SLC6A11: variants seen among roughly 807,000 people sequenced by gnomAD.
SLC6A11 encodes the protein sodium- and chloride-dependent GABA transporter 3.
SLC6A11 carries 25 observed loss-of-function variants against 74.8 expected under a neutral mutation model. That is an observed-to-expected ratio of 0.33 (90% CI 0.24 to 0.47). The LOEUF (loss-of-function observed/expected upper bound fraction) is 0.47, where lower values mean the gene tolerates loss of function less well. SLC6A11 is among the 20% of genes least tolerant of loss of function. The pLI is 1.00. For synonymous variants in SLC6A11, 330 were observed against 330.2 expected (o/e 1.00, Z 0.01); for missense variants, 574 against 837.0 (o/e 0.69, Z 3.88).
At position 10,918,832 on chromosome 3, in the gene SLC6A11, AT is replaced by A. The variant is rs34883736; in HGVS notation, c.1120+390del. 0.019 allele frequency among the ~76,000 whole-genome samples: 2,737 copies of A among 147,216 alleles called. 84 individuals carry two copies. Among genetic ancestry groups the A allele is most frequent in the East Asian group, 0.17 (876 of 5,064 alleles). ...ACTCCATGCTCTACCCTGCAGAGGG[AT>A]TTTTTTTTTTCAAAATGCAAATTTG... On this transcript the variant is annotated intron_variant, in intron 8 of 13. Transcript: ENST00000254488. This position sits in a 1 kb window ranked among gnomAD's most constrained non-coding sequence, Gnocchi z 4.5.
At chr3:10,921,721 CAACTAT>C (rs1489482854) in intron 8 of SLC6A11, among the ~76,000 whole-genome samples, 2 of 151,716 alleles carry the variant, frequency 1.3e-5, no homozygotes, top group African/African-American at 4.8e-5. Flanking sequence ...AAAAAAGACC[CAACTAT>C]AACATGTCTA....
At chr3:10,854,927 G>T (rs1694619998) in intron 5 of SLC6A11, among the ~76,000 whole-genome samples, 1 of 152,194 alleles carries the variant, frequency 6.6e-6, no homozygotes, top group East Asian at 1.9e-4. Context: ...GTGAATAGGT[G>T]AATAGATGGA....
At chr3:10,912,013 G>T in intron 6 of SLC6A11, 77 bp from the exon 7 acceptor site, 1 of 955,674 alleles carries the variant, frequency 1.0e-6, no homozygotes, top group Non-Finnish European at 1.7e-6. Flanking sequence ...GTGGGTGGGG[G>T]ATTTCAGAGA....
At chr3:10,874,268 C>T (rs1694881754) in intron 5 of SLC6A11, among the ~76,000 whole-genome samples, 1 of 152,186 alleles carries the variant, frequency 6.6e-6, no homozygotes, top group South Asian at 2.1e-4. Context: ...TCTATGTGTG[C>T]TGGATTGTGA....
chr3:10,823,585 A>G lies in SLC6A11; in HGVS notation c.623+193A>G, dbSNP rs950679801. On this transcript the variant is annotated intron_variant, in intron 4 of 13. Coordinates refer to ENST00000254488, the MANE Select transcript of SLC6A11 (RefSeq NM_014229.3). ...GAGGTTTCCCAAAGGGGCAGCTGAGAGAAATGTTTTCTTGTTCTTTGATAA... is the reference window on the plus strand; with the variant it reads ...GAGGTTTCCCAAAGGGGCAGCTGAGGGAAATGTTTTCTTGTTCTTTGATAA... 95 of 553,506 alleles carry G rather than the reference A, an allele frequency of 1.7e-4. 2 individuals carry two copies. The South Asian group carries it at 2.1e-3, about 12-fold the overall frequency. The allele number at this position is 553,506 out of a possible 1,614,324, so 34.3% of individuals were successfully genotyped here. A position where few individuals can be genotyped will look rare whatever the true frequency, so the allele number is the denominator to read the frequency against.
chr3:10,938,928 C>G lies in SLC6A11; in HGVS notation c.*526C>G, dbSNP rs1426033651. 2.0e-5 allele frequency: 3 copies of G among 152,252 alleles called. No homozygotes were observed. The highest frequency in any genetic ancestry group is 4.8e-5 in the African/African-American group (2 of 41,440). The allele number at this position is 152,252 out of a possible 1,614,324, so 9.4% of individuals were successfully genotyped here. Reference sequence around the variant, plus strand: ...ATGTGGCAGAGAAGAAAAAGTCCAGCAGACTCAGGACTCCTGGGCTGCAGG... The same window carrying G: ...ATGTGGCAGAGAAGAAAAAGTCCAGGAGACTCAGGACTCCTGGGCTGCAGG... On this transcript the variant is annotated 3_prime_UTR_variant, in exon 14 of 14. Coordinates refer to ENST00000254488, the MANE Select transcript of SLC6A11 (RefSeq NM_014229.3).
chr3:10,906,008 C>T (rs925711245), intron 6 of SLC6A11, among the ~76,000 whole-genome samples: 6 of 152,158 alleles, frequency 3.9e-5, no homozygotes, highest in Admixed American at 1.3e-4. Flanking sequence ...ATATGTAGCC[C>T]TAGACTTTCC....
In SLC6A11 at chr3:10,933,194, G is replaced by C; in HGVS notation, c.1415G>C (p.Ser472Thr). The C allele has an allele frequency of 6.2e-7, 1 of 1,614,140 alleles. No homozygotes were observed. Among genetic ancestry groups the C allele is most frequent in the Non-Finnish European group, 8.5e-7 (1 of 1,180,026 alleles). Residue 472 changes from serine (S) to threonine (T), a missense_variant, in exon 11 of 14, where the codon AGT becomes ACT. By Grantham distance (58) the Ser-to-Thr change is moderately conservative. Around this residue, in one of 4 missense-constraint regions of SLC6A11, gnomAD observed 257 missense variants for 341.5 expected, o/e 0.75. Transcript: ENST00000254488. ...IFQLFDSYAA[S>T]GMCLLFVAIF... ...CAGCTCTTTGACTCCTATGCCGCCA[G>C]TGGGATGTGCCTTCTCTTCGTGGCC...
intron 6 of SLC6A11, among the ~76,000 whole-genome samples, chr3:10,911,473 G>T (rs13059801): frequency 2.0e-5 from 3 of 152,038 alleles, no homozygotes; most frequent in South Asian, 2.1e-4. Context: ...AGCCTAGAGG[G>T]GGGGAGTCTG....
At chr3:10,922,093 T>C (rs1695543750) in intron 8 of SLC6A11, among the ~76,000 whole-genome samples, 1 of 152,172 alleles carries the variant, frequency 6.6e-6, no homozygotes, top group Non-Finnish European at 1.5e-5. Flanking sequence ...AATAAAGACA[T>C]AGAGATCTGA....
chr3:10,931,788 T>C (rs1244084257), intron 10 of SLC6A11, among the ~76,000 whole-genome samples: 1 of 152,218 alleles, frequency 6.6e-6, no homozygotes, highest in Non-Finnish European at 1.5e-5. Flanking sequence ...CCTTTTCTCA[T>C]TCGTATCATC....
intron 5 of SLC6A11, 116 bp downstream of exon 5, chr3:10,844,462 G>C: frequency 7.8e-7 from 1 of 1,285,338 alleles, no homozygotes; most frequent in Non-Finnish European, 1.1e-6. Context: ...GTTGGGAGCG[G>C]GGAGGAACAC....
At chr3:10,877,039 G>T (rs1340309088) in intron 6 of SLC6A11, among the ~76,000 whole-genome samples, 1 of 152,140 alleles carries the variant, frequency 6.6e-6, no homozygotes, top group Non-Finnish European at 1.5e-5. Flanking sequence ...AAGTGGATTT[G>T]GAGAGCCCCC....
chr3:10,870,437 T>C (rs1283017732), intron 5 of SLC6A11, among the ~76,000 whole-genome samples: 1 of 152,232 alleles, frequency 6.6e-6, no homozygotes, highest in Non-Finnish European at 1.5e-5. Context: ...CGGAGGGTTC[T>C]GAGGCTGCAT....
In SLC6A11 at chr3:10,938,317, G is replaced by A. The variant is rs755297702; in HGVS notation, c.1814G>A (p.Arg605Gln). ...KMRGKLGVSP[R>Q]MVTVNDCDAK... is the part of the protein sequence containing the mutation. ...CGGGGCAAGCTTGGGGTGAGCCCAC[G>A]GATGGTGACAGTTAATGACTGTGAT... The change falls in exon 14 of 14, where the codon CGG becomes CAG. Residue 605 changes from arginine to glutamine, a missense_variant. Arg to Gln is a conservative substitution (Grantham distance 43, BLOSUM62 1). Around this residue, in one of 4 missense-constraint regions of SLC6A11, gnomAD observed 257 missense variants for 341.5 expected, o/e 0.75. Coordinates refer to ENST00000254488, the MANE Select transcript of SLC6A11 (RefSeq NM_014229.3). The A allele has an allele frequency of 5.0e-6, 8 of 1,613,130 alleles. No homozygotes were observed. In the African/African-American group the frequency reaches 6.7e-5, roughly 13 times the overall value.
At chr3:10,838,653 G>T (rs952536574) in intron 4 of SLC6A11, among the ~76,000 whole-genome samples, 3 of 152,210 alleles carry the variant, frequency 2.0e-5, no homozygotes, top group African/African-American at 7.2e-5. Flanking sequence ...GGAGGCTGAG[G>T]CAGGAGAATC....
rs552537175 is a variant in SLC6A11, at chr3:10,882,207, C to A, written c.891+7112C>A. Among the ~76,000 whole-genome samples, 781 of 152,350 alleles carry A rather than the reference C, an allele frequency of 5.1e-3. 4 individuals carry two copies. The highest frequency in any genetic ancestry group is 0.015 in the South Asian group (72 of 4,828). On this transcript the variant is annotated intron_variant, in intron 6 of 13. Transcript: ENST00000254488. Reference sequence around the variant, plus strand: ...GCACAGCAAGTCATTTCTACTCCTTCTTTGGAGCCTTGGGAGCCATTTTAC... The same window carrying A: ...GCACAGCAAGTCATTTCTACTCCTTATTTGGAGCCTTGGGAGCCATTTTAC...
At chr3:10,872,199 G>T (rs1384596156) in intron 5 of SLC6A11, among the ~76,000 whole-genome samples, 1 of 152,180 alleles carries the variant, frequency 6.6e-6, no homozygotes, top group Non-Finnish European at 1.5e-5. Flanking sequence ...CCCATGTCTG[G>T]TTGTCGTTCA....
chr3:10,929,077 G>C, intron 9 of SLC6A11, 125 bp from the exon 10 acceptor site: 1 of 953,368 alleles, frequency 1.0e-6, no homozygotes, highest in Non-Finnish European at 1.6e-6. Flanking sequence ...CAGGCCCCTC[G>C]TCTGCATTAA....
Sources: allele counts gnomAD v4.1 joint callset (sites outside exome capture counted in the v4.1 genomes callset), GRCh38; gene constraint gnomAD v4.1.1; regional missense constraint gnomAD v4.1.1; non-coding constraint Gnocchi (gnomAD v3.1); transcripts MANE v1.5; gene names NCBI Gene and HGNC (gene_info 2026-07-23, HGNC 2026-07-21).